The following CACNA1B variants were observed in gnomAD, a reference collection of about 807,000 sequenced individuals.
CACNA1B encodes the protein voltage-dependent N-type calcium channel subunit alpha-1B.
In CACNA1B, 70 loss-of-function variants were observed where a neutral mutation model predicts 247.2. The ratio of observed to expected loss-of-function variants is 0.28; its 90% CI spans 0.23 to 0.35. The LOEUF (loss-of-function observed/expected upper bound fraction) is 0.35, where lower values mean the gene tolerates loss of function less well. Ranked by LOEUF, CACNA1B falls within the 10% of genes least tolerant of loss-of-function variation. The probability of loss-of-function intolerance (pLI) is 1.00; values close to 1 mark genes in which losing one functional copy is unlikely to be tolerated. For missense variants in CACNA1B, 2,367 were observed against 3,197.4 expected, an observed-to-expected ratio of 0.74 and a Z score of 6.26; for synonymous variants, 1,231 against 1,294.4, an observed-to-expected ratio of 0.95 and a Z score of 1.05.
rs988043964 is a variant in CACNA1B, at chr9:137,917,147, C to G, written c.776-94C>G. 9 of 1,165,042 alleles carry G rather than the reference C, an allele frequency of 7.7e-6. No homozygotes were observed. In the African/African-American group the frequency reaches 1.4e-4, roughly 18 times the overall value. The allele number at this position is 1,165,042 out of a possible 1,614,324, so 72.2% of individuals were successfully genotyped here. Reference sequence around the variant, plus strand: ...CTGTTGGTGGCTGGTTCCTGCCCACCTGCTGTGAGCTCTCCAGAGCCCAGG... The same window carrying G: ...CTGTTGGTGGCTGGTTCCTGCCCACGTGCTGTGAGCTCTCCAGAGCCCAGG... On this transcript the variant is annotated intron_variant, in intron 5 of 46. Transcript: ENST00000371372. The surrounding 1 kb of genome is among the most constrained non-coding windows in gnomAD (Gnocchi z 5.5).
At chr9:137,965,406 C>T (rs148735673) in intron 10 of CACNA1B, among the ~76,000 whole-genome samples, 2,475 of 152,242 alleles carry the variant, frequency 0.016, 53 homozygotes, top group African/African-American at 0.052. Context: ...ATTGGCCGGG[C>T]GCGGTGGCGC....
Position 137,882,704 on chromosome 9 carries a change from G to T in CACNA1B, c.391-40G>T. ...CCGTCTCTGCCCGCTACTACACCGG[G>T]TAGGGGCCAGGGGTGACCACTGTTC... On this transcript the variant is annotated intron_variant, in intron 2 of 46. Transcript: ENST00000371372. This position sits in a 1 kb window ranked among gnomAD's most constrained non-coding sequence, Gnocchi z 4.0. 1 of 1,612,404 alleles carries T rather than the reference G, an allele frequency of 6.2e-7. No individual in the cohort carries two copies. Among genetic ancestry groups the T allele is most frequent in the Non-Finnish European group, 8.5e-7 (1 of 1,178,652 alleles).
Position 137,913,028 on chromosome 9 carries a change from A to G in CACNA1B, c.531-152A>G, listed in dbSNP as rs771684618. 6.7e-6 allele frequency among the ~76,000 whole-genome samples: 1 copy of G among 148,774 alleles called. No individual in the cohort carries two copies. The highest frequency in any genetic ancestry group is 1.5e-5 in the Non-Finnish European group (1 of 66,064). On this transcript the variant is annotated intron_variant, in intron 3 of 46. Coordinates refer to ENST00000371372, the MANE Select transcript of CACNA1B (RefSeq NM_000718.4). This position sits in a 1 kb window ranked among gnomAD's most constrained non-coding sequence, Gnocchi z 5.2. The stretch of plus-strand genomic sequence containing the variant: ...CCCTGTGGTTGGACAGTGGGGGGAC[A>G]CAGGTGCTGGCCCTGTGGTTGGACA...
At chr9:137,936,100 G>T (rs542856455) in intron 6 of CACNA1B, among the ~76,000 whole-genome samples, 2 of 152,108 alleles carry the variant, frequency 1.3e-5, no homozygotes, top group African/African-American at 4.8e-5. Context: ...CTTGTGATCC[G>T]CCCGCCTCGG....
rs914576157 is a variant in CACNA1B at position 138,054,551 on chromosome 9, C to T, written c.3968+545C>T. Among the ~76,000 whole-genome samples the T allele has an allele frequency of 3.3e-5, 5 of 152,244 alleles. No homozygotes were observed. Among genetic ancestry groups the T allele is most frequent in the African/African-American group, 9.6e-5 (4 of 41,456 alleles). On this transcript the variant is annotated intron_variant, in intron 26 of 46. Coordinates refer to ENST00000371372, the MANE Select transcript of CACNA1B (RefSeq NM_000718.4). This position sits in a 1 kb window ranked among gnomAD's most constrained non-coding sequence, Gnocchi z 4.6. ...TGTCTTCCTGCCCACGCGGCAGCGT[C>T]CCAGCTGCTTCTGTGTGAATATCAT...
intron 18 of CACNA1B, among the ~76,000 whole-genome samples, chr9:138,021,541 C>T (rs941126591): frequency 2.6e-5 from 4 of 152,230 alleles, no homozygotes; most frequent in East Asian, 1.9e-4. Context: ...CTCAGGGCCC[C>T]GGAGCTGGTG....
rs1351227819 is a variant in CACNA1B at position 137,882,654 on chromosome 9, C to T, written c.391-90C>T. On this transcript the variant is annotated intron_variant, in intron 2 of 46. Coordinates refer to ENST00000371372, the MANE Select transcript of CACNA1B (RefSeq NM_000718.4). This position sits in a 1 kb window ranked among gnomAD's most constrained non-coding sequence, Gnocchi z 4.0. Reference sequence around the variant, plus strand: ...ACCCTCACGATAGCTGTGGCCTGCACATGGTGGGGTGGGGTCCTCACCAAC... The same window carrying T: ...ACCCTCACGATAGCTGTGGCCTGCATATGGTGGGGTGGGGTCCTCACCAAC... 2.1e-6 allele frequency: 3 copies of T among 1,462,306 alleles called. No homozygotes were observed. Among genetic ancestry groups the T allele is most frequent in the African/African-American group, 1.4e-5 (1 of 72,104 alleles). 90.6% of individuals were successfully genotyped at this position (1,462,306 alleles called of 1,614,324 possible).
Position 137,973,263 on chromosome 9 carries a change from G to A in CACNA1B, c.1543+1671G>A, listed in dbSNP as rs1958177966. Among the ~76,000 whole-genome samples, 1 of 152,194 alleles carries A rather than the reference G, an allele frequency of 6.6e-6. No homozygotes were observed. The highest frequency in any genetic ancestry group is 2.1e-4 in the South Asian group (1 of 4,822). On this transcript the variant is annotated intron_variant, in intron 11 of 46. Coordinates refer to ENST00000371372, the MANE Select transcript of CACNA1B (RefSeq NM_000718.4). This position sits in a 1 kb window ranked among gnomAD's most constrained non-coding sequence, Gnocchi z 4.1. Reference sequence around the variant, plus strand: ...TCCTGGCTTCATTGTGTCACTGAGGGAAAAATGGCTGGAGGGAAATGTGGG... The same window carrying A: ...TCCTGGCTTCATTGTGTCACTGAGGAAAAAATGGCTGGAGGGAAATGTGGG...
In CACNA1B at chr9:138,043,362, C is replaced by T. The variant is rs2133471440; in HGVS notation, c.3287-412C>T. On this transcript the variant is annotated intron_variant, in intron 20 of 46. Coordinates refer to ENST00000371372, the MANE Select transcript of CACNA1B (RefSeq NM_000718.4). Reference sequence around the variant, plus strand: ...CTGGACAACGAGGTACAGGGAGCCTCTGTGGGTTTGTGGATCGGGGGCTGG... The same window carrying T: ...CTGGACAACGAGGTACAGGGAGCCTTTGTGGGTTTGTGGATCGGGGGCTGG... Among the ~76,000 whole-genome samples, 2 of 152,336 alleles carry T rather than the reference C, an allele frequency of 1.3e-5. 1 individual carries two copies. The highest frequency in any genetic ancestry group is 3.9e-4 in the East Asian group (2 of 5,180).
Position 137,879,050 on chromosome 9 carries a change from G to T in CACNA1B, c.285-4G>T, listed in dbSNP as rs199696957. 3.1e-6 allele frequency: 5 copies of T among 1,602,766 alleles called. No individual in the cohort carries two copies. The South Asian group carries it at 5.5e-5, about 18-fold the overall frequency. On this transcript the variant is annotated splice_polypyrimidine_tract_variant and splice_region_variant and intron_variant, in intron 1 of 46. Transcript: ENST00000371372. ...GTCTGCCGGCCAGTCCTTAACTCACGCACTCCATTCGAGTATATGATCCTG... is the reference window on the plus strand; with the variant it reads ...GTCTGCCGGCCAGTCCTTAACTCACTCACTCCATTCGAGTATATGATCCTG...
In CACNA1B at chr9:138,105,754, C is replaced by A; in HGVS notation, c.5375C>A (p.Thr1792Lys). The change falls in exon 39 of 47, where the codon ACG (threonine) becomes AAG (lysine). Residue 1792 changes from threonine to lysine, a missense_variant. Coordinates refer to ENST00000371372, the MANE Select transcript of CACNA1B (RefSeq NM_000718.4). ...ISNEDMTVHF[T>K]STLMALIRTA... ...AACGAGGACATGACTGTTCACTTCA[C>A]GTCCACGCTGATGGCCCTCATCCGG... The A allele has an allele frequency of 6.4e-7, 1 of 1,567,742 alleles. No individual in the cohort carries two copies. The highest frequency in any genetic ancestry group is 2.4e-5 in the East Asian group (1 of 41,852).
chr9:138,027,919 G>A (rs1167344974), intron 20 of CACNA1B, among the ~76,000 whole-genome samples: 2 of 149,892 alleles, frequency 1.3e-5, no homozygotes, highest in Non-Finnish European at 3.0e-5. Flanking sequence ...GGATCATAAG[G>A]TTTAAATATC....
At chr9:137,924,033 A>G (rs1462305161) in intron 6 of CACNA1B, among the ~76,000 whole-genome samples, 2 of 152,126 alleles carry the variant, frequency 1.3e-5, no homozygotes, top group Admixed American at 1.3e-4. Flanking sequence ...ATGGTTTGCA[A>G]ATATTTTCTC....
intron 15 of CACNA1B, among the ~76,000 whole-genome samples, chr9:137,989,392 G>A (rs1423870842): frequency 1.3e-5 from 2 of 152,148 alleles, no homozygotes; most frequent in Non-Finnish European, 2.9e-5. Flanking sequence ...GGAAGTGAGG[G>A]TGGGCTGGAG....
intron 37 of CACNA1B, among the ~76,000 whole-genome samples, chr9:138,096,815 C>T (rs1012070410): frequency 6.2e-5 from 9 of 146,324 alleles, no homozygotes; most frequent in East Asian, 6.0e-4. Context: ...TGTGCCTTCG[C>T]GCAGTGGCCC....
chr9:138,105,621 G>C, intron 38 of CACNA1B, 78 bp from the exon 39 acceptor site: 1 of 774,618 alleles, frequency 1.3e-6, no homozygotes, highest in Non-Finnish European at 2.2e-6. Flanking sequence ...CAGCATCCAG[G>C]GACCCCATCA....
chr9:138,110,625 A>G (rs1370872695), intron 39 of CACNA1B, among the ~76,000 whole-genome samples: 2 of 152,088 alleles, frequency 1.3e-5, no homozygotes, highest in African/African-American at 2.4e-5. Context: ...CCAGCTACTC[A>G]GGAGGCTACG....
chr9:138,008,332 A>C (rs548081003), intron 16 of CACNA1B, among the ~76,000 whole-genome samples: 80 of 152,292 alleles, frequency 5.3e-4, no homozygotes, highest in African/African-American at 1.9e-3. Flanking sequence ...GCTGGCCACG[A>C]GCGTCCCCCT....
chr9:138,105,846 G>A, intron 39 of CACNA1B, 39 bp downstream of exon 39: 1 of 1,125,324 alleles, frequency 8.9e-7, no homozygotes, highest in Non-Finnish European at 1.3e-6. Context: ...CCTGGACCCA[G>A]GGATGTGCAC....
Sources: allele counts gnomAD v4.1 joint callset (sites outside exome capture counted in the v4.1 genomes callset), GRCh38; gene constraint gnomAD v4.1.1; non-coding constraint Gnocchi (gnomAD v3.1); transcripts MANE v1.5; gene names NCBI Gene and HGNC (gene_info 2026-07-23, HGNC 2026-07-21).